XPR1: variants seen among roughly 807,000 people sequenced by gnomAD.
XPR1 encodes xenotropic and polytropic retrovirus receptor 1, also known as solute carrier family 53 member 1.
A neutral mutation model predicts 87.5 loss-of-function variants in XPR1; 28 were observed. That is an observed-to-expected ratio of 0.32 (90% confidence interval 0.24 to 0.44). The LOEUF is 0.44. Among genes scored for constraint, XPR1 ranks in the 20% least tolerant of loss-of-function variants. The pLI is 1.00. For missense variants in XPR1, 559 were observed against 862.3 expected (o/e 0.65, Z 4.41); for synonymous variants, 300 against 306.1 (o/e 0.98, Z 0.21).
At chr1:180,656,366 A>ATG (rs1356317331) in intron 1 of XPR1, among the ~76,000 whole-genome samples, 13 of 108,718 alleles carry the variant, frequency 1.2e-4, no homozygotes, top group African/African-American at 4.0e-4. Flanking sequence ...TATATATATA[A>ATG]TATTTATATA....
intron 1 of XPR1, among the ~76,000 whole-genome samples, chr1:180,659,193 T>TCTTC (rs550840483): frequency 9.8e-4 from 78 of 79,942 alleles, no homozygotes; most frequent in East Asian, 3.2e-3. Context: ...CTGTAGTCAG[T>TCTTC]CTTCCTTCCT....
chr1:180,792,661 G>A (rs1649429476), intron 3 of XPR1, among the ~76,000 whole-genome samples: 1 of 152,130 alleles, frequency 6.6e-6, no homozygotes, highest in Non-Finnish European at 1.5e-5. Context: ...TTGTGAAAGG[G>A]AGGGGTCCTT....
chr1:180,820,987 G>T (rs1174993372), intron 7 of XPR1, among the ~76,000 whole-genome samples: 3 of 147,400 alleles, frequency 2.0e-5, no homozygotes, highest in Middle Eastern at 3.5e-3. Context: ...TTAGATAAAT[G>T]ATTTGCAAAT....
At chr1:180,655,046 C>T (rs567970626) in intron 1 of XPR1, among the ~76,000 whole-genome samples, 1 of 152,280 alleles carries the variant, frequency 6.6e-6, no homozygotes, top group South Asian at 2.1e-4. Flanking sequence ...TACATTTCCA[C>T]CAACAGTGCA....
chr1:180,856,243 A>G (rs532586886), intron 11 of XPR1, among the ~76,000 whole-genome samples: 2 of 152,322 alleles, frequency 1.3e-5, no homozygotes, highest in South Asian at 4.1e-4. Flanking sequence ...TAAATTTTTT[A>G]AGAGATAAAG....
chr1:180,821,535 C>G (rs879715811), intron 7 of XPR1, among the ~76,000 whole-genome samples: 27 of 151,972 alleles, frequency 1.8e-4, no homozygotes, highest in Middle Eastern at 3.2e-3. Context: ...TTTGGGACCT[C>G]TTGGAATTCC....
chr1:180,835,577 T>C (rs981130594), intron 10 of XPR1, among the ~76,000 whole-genome samples: 1 of 152,154 alleles, frequency 6.6e-6, no homozygotes, highest in Non-Finnish European at 1.5e-5. Flanking sequence ...AGATAGAATA[T>C]GTAACATGTG....
chr1:180,836,029 T>A (rs552577471), intron 10 of XPR1, among the ~76,000 whole-genome samples: 39 of 152,212 alleles, frequency 2.6e-4, no homozygotes, highest in African/African-American at 9.4e-4. Flanking sequence ...CCACAACATA[T>A]TTTACCTTCT....
At chr1:180,882,967 G>GTTTTTTTTTTTTTTTTTTTTTTT (rs1156645233) in intron 14 of XPR1, among the ~76,000 whole-genome samples, 2 of 150,638 alleles carry the variant, frequency 1.3e-5, no homozygotes, top group African/African-American at 4.9e-5. Context: ...TTGGGGGTTG[G>GTTTTTTTTTTTTTTTTTTTTTTT]TTGTTTTTTT....
At chr1:180,729,371 A>C (rs1312890231) in intron 2 of XPR1, among the ~76,000 whole-genome samples, 1 of 152,160 alleles carries the variant, frequency 6.6e-6, no homozygotes, top group East Asian at 1.9e-4. Flanking sequence ...AGTGAGAATG[A>C]TAGTTCTGTT....
chr1:180,836,749 T>A, intron 11 of XPR1, 33 bp downstream of exon 11: 1 of 1,606,322 alleles, frequency 6.2e-7, no homozygotes, highest in South Asian at 1.1e-5. Flanking sequence ...GAGATTTTTT[T>A]AAACCTGGAT....
chr1:180,686,495 A>G (rs534951465), intron 2 of XPR1, among the ~76,000 whole-genome samples: 7 of 152,258 alleles, frequency 4.6e-5, no homozygotes, highest in African/African-American at 1.2e-4. Context: ...GTAGATGTCT[A>G]TTAGGTCCGC....
intron 1 of XPR1, among the ~76,000 whole-genome samples, chr1:180,668,119 C>G (rs1415830739): frequency 7.3e-6 from 1 of 137,240 alleles, no homozygotes; most frequent in East Asian, 2.1e-4. Flanking sequence ...TTATTTCCCT[C>G]TATCTTTTTT....
intron 2 of XPR1, among the ~76,000 whole-genome samples, chr1:180,742,967 A>C (rs1303218026): frequency 1.3e-5 from 2 of 151,992 alleles, no homozygotes; most frequent in Non-Finnish European, 1.5e-5. Flanking sequence ...TAGTATTTGC[A>C]TGGTGTATCT....
chr1:180,665,167 A>G (rs1655915259), intron 1 of XPR1, among the ~76,000 whole-genome samples: 1 of 152,160 alleles, frequency 6.6e-6, no homozygotes, highest in Admixed American at 6.5e-5. Flanking sequence ...ACCTTTTTCA[A>G]AGGGTGGCAG....
chr1:180,709,856 GGTT>G (rs1025310554), intron 2 of XPR1, among the ~76,000 whole-genome samples: 5 of 149,352 alleles, frequency 3.3e-5, no homozygotes, highest in African/African-American at 1.2e-4. Flanking sequence ...TGAAAAATTG[GGTT>G]GTTTTTCTCC....
chr1:180,644,028 C>T (rs1160352822), intron 1 of XPR1, among the ~76,000 whole-genome samples: 1 of 152,076 alleles, frequency 6.6e-6, no homozygotes, highest in Non-Finnish European at 1.5e-5. Flanking sequence ...TAGTATATAA[C>T]TAAGTGATTG....
chr1:180,731,874 T>TA (rs2030143616), intron 2 of XPR1, among the ~76,000 whole-genome samples: 1 of 152,162 alleles, frequency 6.6e-6, no homozygotes, highest in African/African-American at 2.4e-5. Flanking sequence ...CTAGAGCTTT[T>TA]ACGGGTTTTT....
intron 2 of XPR1, among the ~76,000 whole-genome samples, chr1:180,758,310 A>G (rs920020298): frequency 2.6e-5 from 4 of 152,188 alleles, no homozygotes; most frequent in Non-Finnish European, 5.9e-5. Flanking sequence ...TATGAAAATA[A>G]GGAATAGATT....
Sources: allele counts gnomAD v4.1 joint callset (sites outside exome capture counted in the v4.1 genomes callset), GRCh38; gene constraint gnomAD v4.1.1; transcripts MANE v1.5; gene names NCBI Gene and HGNC (gene_info 2026-07-23, HGNC 2026-07-21).